CLDN16: variants seen among roughly 807,000 people sequenced by gnomAD.
The protein encoded by CLDN16 is claudin-16.
Under a neutral mutation model 24.6 loss-of-function variants are expected in CLDN16, and 13 were observed. The observed-to-expected ratio is 0.53, with a 90% CI of 0.34 to 0.84. CLDN16 has a LOEUF of 0.84. Ranked by LOEUF, CLDN16 falls within the 40% of genes least tolerant of loss-of-function variation. The pLI, the probability that CLDN16 is intolerant of heterozygous loss-of-function variation, is 0.01. For synonymous variants in CLDN16, 116 were observed against 106.7 expected (o/e 1.09, Z -0.54); for missense variants, 298 against 292.7 (o/e 1.02, Z -0.13).
chr3:190,305,453 TC>T, the CLDN16 span, among the ~76,000 whole-genome samples: 1 of 152,200 alleles, frequency 6.6e-6, no homozygotes, highest in African/African-American at 2.4e-5. Flanking sequence ...TTATTGTATG[TC>T]CCCTTTTTAT....
At chr3:190,291,422 G>T in the CLDN16 span, among the ~76,000 whole-genome samples, 1 of 152,098 alleles carries the variant, frequency 6.6e-6, no homozygotes, top group African/African-American at 2.4e-5. Context: ...GCAAGAGAGG[G>T]TGTAACAGAA....
the CLDN16 span, among the ~76,000 whole-genome samples, chr3:190,291,078 G>A: frequency 6.6e-6 from 1 of 152,138 alleles, no homozygotes; most frequent in African/African-American, 2.4e-5. Flanking sequence ...ATGCTATGCG[G>A]AACCATAGCA....
chr3:190,300,227 T>C, the CLDN16 span, among the ~76,000 whole-genome samples: 27 of 152,208 alleles, frequency 1.8e-4, no homozygotes, highest in Non-Finnish European at 3.7e-4. Context: ...TGCAACTTTC[T>C]AGTTAAAGCC....
intron 1 of CLDN16, among the ~76,000 whole-genome samples, chr3:190,350,603 G>T (rs1717652079): frequency 6.6e-6 from 1 of 152,102 alleles, no homozygotes; most frequent in South Asian, 2.1e-4. Flanking sequence ...ATGAATTTCA[G>T]CTCCACCATT....
At chr3:190,350,497 A>G (rs1173377343) in intron 1 of CLDN16, among the ~76,000 whole-genome samples, 1 of 152,182 alleles carries the variant, frequency 6.6e-6, no homozygotes, top group Non-Finnish European at 1.5e-5. Flanking sequence ...ATAATGTTGA[A>G]AAAAGTATTC....
At chr3:190,371,115 T>C (rs997547233) in intron 2 of CLDN16, 8 of 148,064 alleles carry the variant, frequency 5.4e-5, no homozygotes, top group African/African-American at 1.7e-4. Flanking sequence ...ATATATATAT[T>C]TATCCTATTA....
intron 1 of CLDN16, among the ~76,000 whole-genome samples, chr3:190,356,075 G>A (rs1176185644): frequency 6.6e-6 from 1 of 151,548 alleles, no homozygotes; most frequent in Non-Finnish European, 1.5e-5. Context: ...AGGGTGAAGA[G>A]GAAGTTGAGG....
chr3:190,368,552 A>T (rs1214723104), intron 1 of CLDN16, among the ~76,000 whole-genome samples: 1 of 151,990 alleles, frequency 6.6e-6, no homozygotes, highest in African/African-American at 2.4e-5. Context: ...GACTAAACCA[A>T]TCAGTGTGTT....
chr3:190,391,335 C>T (rs1452045565), intron 1 of CLDN16, among the ~76,000 whole-genome samples: 1 of 151,056 alleles, frequency 6.6e-6, no homozygotes, highest in African/African-American at 2.4e-5. Context: ...GCTACTCCTA[C>T]TAGAAGAGAC....
chr3:190,341,263 AAG>A, intron 1 of CLDN16, among the ~76,000 whole-genome samples: 1 of 152,202 alleles, frequency 6.6e-6, no homozygotes, highest in Non-Finnish European at 1.5e-5. Context: ...GGTTCTCTAT[AAG>A]GACCCCACCC....
At chr3:190,372,232 G>A (rs1191224471) in intron 2 of CLDN16, among the ~76,000 whole-genome samples, 1 of 151,922 alleles carries the variant, frequency 6.6e-6, no homozygotes, top group Non-Finnish European at 1.5e-5. Context: ...AGACACCACT[G>A]TCAGCCTCAT....
intron 4 of CLDN16, 55 bp downstream of exon 4, chr3:190,408,560 T>C: frequency 3.3e-6 from 5 of 1,498,130 alleles, no homozygotes; most frequent in Admixed American, 1.7e-5. Context: ...TTTTTCCCAA[T>C]CCAGTGGAAA....
chr3:190,316,725 G>T, the CLDN16 span, among the ~76,000 whole-genome samples: 2 of 152,064 alleles, frequency 1.3e-5, no homozygotes, highest in Non-Finnish European at 1.5e-5. Flanking sequence ...AAGTCACATG[G>T]ATTTATCAAA....
At chr3:190,319,754 CT>C, upstream of CLDN16, among the ~76,000 whole-genome samples, 3 of 152,192 alleles carry the variant, frequency 2.0e-5, no homozygotes, top group Non-Finnish European at 4.4e-5. Context: ...ACACATAACC[CT>C]TTTCATCTCT....
chr3:190,372,541 G>A (rs1229135844), intron 2 of CLDN16, among the ~76,000 whole-genome samples: 1 of 151,902 alleles, frequency 6.6e-6, no homozygotes, highest in African/African-American at 2.4e-5. Flanking sequence ...CTACTTTGGA[G>A]GCTGAGGTGG....
chr3:190,342,390 A>G (rs561048298), intron 1 of CLDN16, among the ~76,000 whole-genome samples: 4 of 152,248 alleles, frequency 2.6e-5, no homozygotes, highest in Non-Finnish European at 5.9e-5. Context: ...TAAAATCAAC[A>G]TACAAAAATC....
At chr3:190,327,673 A>C (rs1374729869) in intron 1 of CLDN16, among the ~76,000 whole-genome samples, 1 of 152,204 alleles carries the variant, frequency 6.6e-6, no homozygotes, top group Non-Finnish European at 1.5e-5. Context: ...AATATTTATC[A>C]GTTACCTCCT....
upstream of CLDN16, among the ~76,000 whole-genome samples, chr3:190,386,000 C>CAGAGTTCA (rs1333802398): frequency 2.0e-4 from 30 of 152,228 alleles, no homozygotes; most frequent in African/African-American, 6.7e-4. Flanking sequence ...GTCCAGTGTA[C>CAGAGTTCA]ACTCAGGTTG....
chr3:190,313,699 G>T, the CLDN16 span, among the ~76,000 whole-genome samples: 2 of 149,830 alleles, frequency 1.3e-5, no homozygotes, highest in Non-Finnish European at 2.9e-5. Context: ...CATATTCAAA[G>T]ACATCACTAG....
Sources: allele counts gnomAD v4.1 joint callset (sites outside exome capture counted in the v4.1 genomes callset), GRCh38; gene constraint gnomAD v4.1.1; transcripts MANE v1.5; gene names NCBI Gene and HGNC (gene_info 2026-07-23, HGNC 2026-07-21).